Variants in ROBO1 observed in about 807,000 individuals in gnomAD.
ROBO1 encodes the protein roundabout homolog 1.
ROBO1 carries 149 observed loss-of-function variants against 195.9 expected under a neutral mutation model. The observed-to-expected ratio is 0.76, with a 90% CI of 0.67 to 0.87. The LOEUF (loss-of-function observed/expected upper bound fraction) is 0.87. Among genes scored for constraint, ROBO1 ranks in the 40% least tolerant of loss-of-function variants. ROBO1 has a pLI of 0.00. For synonymous variants in ROBO1, 816 were observed against 733.2 expected (o/e 1.11, Z -1.82); for missense variants, 1,933 against 2,068.3 (o/e 0.93, Z 1.27).
intron 2 of ROBO1, among the ~76,000 whole-genome samples, chr3:79,167,458 A>G (rs1019907682): frequency 1.3e-5 from 2 of 152,136 alleles, no homozygotes; most frequent in African/African-American, 4.8e-5. Context: ...CTAAATTCCT[A>G]TAACTTATAT....
intron 4 of ROBO1, among the ~76,000 whole-genome samples, chr3:78,837,947 T>C (rs980572628): frequency 2.0e-5 from 3 of 152,210 alleles, no homozygotes; most frequent in African/African-American, 7.2e-5. Flanking sequence ...ACTAACTTAA[T>C]GTTAATATCC....
chr3:78,762,041 C>T (rs965802282), intron 4 of ROBO1, among the ~76,000 whole-genome samples: 1 of 151,978 alleles, frequency 6.6e-6, no homozygotes, highest in African/African-American at 2.4e-5. Flanking sequence ...ATGAAATTCA[C>T]AGTTGTTTTT....
chr3:79,255,542 T>A (rs1026333359), intron 2 of ROBO1, among the ~76,000 whole-genome samples: 1 of 152,120 alleles, frequency 6.6e-6, no homozygotes, highest in Non-Finnish European at 1.5e-5. Flanking sequence ...CTATTCGGAT[T>A]GTTGGTAAAG....
At chr3:78,694,695 C>A (rs1050031162) in intron 8 of ROBO1, among the ~76,000 whole-genome samples, 10 of 152,158 alleles carry the variant, frequency 6.6e-5, no homozygotes, top group Admixed American at 5.9e-4. Context: ...GGTTACATTT[C>A]TTGACACCTT....
intron 3 of ROBO1, among the ~76,000 whole-genome samples, chr3:79,042,155 T>C (rs1314277964): frequency 6.6e-6 from 1 of 152,168 alleles, no homozygotes; most frequent in Non-Finnish European, 1.5e-5. Context: ...TACATACAGG[T>C]CCCAGATATA....
At chr3:79,031,168 T>C (rs1372483938) in intron 3 of ROBO1, among the ~76,000 whole-genome samples, 1 of 152,208 alleles carries the variant, frequency 6.6e-6, no homozygotes, top group Non-Finnish European at 1.5e-5. Context: ...ATTTATATGG[T>C]GATAATTTCT....
At chr3:79,061,832 C>A (rs1000919524) in intron 3 of ROBO1, among the ~76,000 whole-genome samples, 1 of 151,792 alleles carries the variant, frequency 6.6e-6, no homozygotes, top group African/African-American at 2.4e-5. Flanking sequence ...TTCCTTACAC[C>A]TTATAGAAAA....
intron 3 of ROBO1, among the ~76,000 whole-genome samples, chr3:79,001,871 A>G (rs1231015304): frequency 6.6e-6 from 1 of 152,188 alleles, no homozygotes; most frequent in East Asian, 1.9e-4. Flanking sequence ...AAAATATTAG[A>G]TAACATAAAC....
chr3:78,804,662 T>A (rs900136600), intron 4 of ROBO1, among the ~76,000 whole-genome samples: 1 of 144,616 alleles, frequency 6.9e-6, no homozygotes, highest in African/African-American at 2.6e-5. Flanking sequence ...CATTAATGAA[T>A]GGTCAGGAAT....
At chr3:78,678,565 G>C (rs1208566269) in intron 10 of ROBO1, among the ~76,000 whole-genome samples, 7 of 152,094 alleles carry the variant, frequency 4.6e-5, no homozygotes, top group Admixed American at 4.6e-4. Context: ...AAATAAACTA[G>C]AAAATCTAGA....
chr3:78,657,347 T>C, intron 17 of ROBO1, 78 bp from the exon 18 acceptor site: 2 of 1,472,266 alleles, frequency 1.4e-6, no homozygotes, highest in South Asian at 2.6e-5. Context: ...GTTGCAGTTT[T>C]AGACCCAGAC....
intron 2 of ROBO1, among the ~76,000 whole-genome samples, chr3:79,285,961 G>GA (rs763971011): frequency 2.6e-5 from 4 of 152,050 alleles, no homozygotes; most frequent in South Asian, 2.1e-4. Flanking sequence ...CAAGAGGGTG[G>GA]AAAAAATGCC....
At chr3:78,724,064 G>C (rs2082105352) in intron 5 of ROBO1, among the ~76,000 whole-genome samples, 3 of 152,104 alleles carry the variant, frequency 2.0e-5, no homozygotes, top group Admixed American at 1.3e-4. Flanking sequence ...CCAAGCCTGG[G>C]AGACACTGCC....
At position 79,395,290 on chromosome 3, in the gene ROBO1, C is replaced by T. The variant is rs1284795691; in HGVS notation, c.88+194534G>A. 2.1e-5 allele frequency among the ~76,000 whole-genome samples: 3 copies of T among 143,114 alleles called. No individual in the cohort carries two copies. The Admixed American group carries it at 2.2e-4, about 10-fold the overall frequency. The allele number at this position is 143,114 out of a possible 152,430, so 93.9% of individuals were successfully genotyped here. On this transcript the variant is annotated intron_variant, in intron 2 of 30. Transcript: ENST00000464233. ...TGAGCCGAGATCCCGCCACTGTACT[C>T]CAGCCTGGGCGATAGAGCAAGACTC... is the stretch of plus-strand genomic sequence containing the variant.
chr3:78,713,366 T>C (rs1021259971), intron 8 of ROBO1, among the ~76,000 whole-genome samples: 2 of 152,058 alleles, frequency 1.3e-5, no homozygotes, highest in Non-Finnish European at 2.9e-5. Context: ...TTCTAAGTAG[T>C]CTTAGAACAG....
At chr3:79,160,233 A>AGT (rs1405154972) in intron 2 of ROBO1, among the ~76,000 whole-genome samples, 43 of 139,636 alleles carry the variant, frequency 3.1e-4, no homozygotes, top group African/African-American at 1.3e-3. Flanking sequence ...CCTTTAAAAA[A>AGT]ATGTGTGTGT....
At chr3:79,664,322 G>C (rs373051715) in intron 1 of ROBO1, among the ~76,000 whole-genome samples, 80 of 151,900 alleles carry the variant, frequency 5.3e-4, no homozygotes, top group African/African-American at 1.8e-3. Context: ...ATTTCGATAA[G>C]TCTGATGTCT....
chr3:79,307,236 C>T (rs1488139670), intron 2 of ROBO1, among the ~76,000 whole-genome samples: 1 of 151,992 alleles, frequency 6.6e-6, no homozygotes, highest in East Asian at 1.9e-4. Context: ...TGTATCTGAG[C>T]CCTGGACCCC....
At chr3:78,871,971 T>A (rs1180753924) in intron 4 of ROBO1, among the ~76,000 whole-genome samples, 2 of 152,184 alleles carry the variant, frequency 1.3e-5, no homozygotes, top group African/African-American at 4.8e-5. Context: ...TGCTTTAAAT[T>A]CATGACCCAT....
Sources: allele counts gnomAD v4.1 joint callset (sites outside exome capture counted in the v4.1 genomes callset), GRCh38; gene constraint gnomAD v4.1.1; transcripts MANE v1.5; gene names NCBI Gene and HGNC (gene_info 2026-07-23, HGNC 2026-07-21).